The following NOA1 variants were observed in gnomAD, a reference collection of about 807,000 sequenced individuals.
The protein encoded by NOA1 is nitric oxide-associated protein 1.
Under a neutral mutation model 58.4 loss-of-function variants are expected in NOA1, and 35 were observed. The ratio of observed to expected loss-of-function variants is 0.60; its 90% CI spans 0.46 to 0.79. The LOEUF (loss-of-function observed/expected upper bound fraction) is 0.79, where lower values mean the gene tolerates loss of function less well. NOA1 is among the 30% of genes least tolerant of loss of function. NOA1 has a pLI of 0.00. For missense variants in NOA1, 895 were observed against 894.6 expected (o/e 1.00, Z -0.01); for synonymous variants, 397 against 373.4 (o/e 1.06, Z -0.73).
At position 56,976,439 on chromosome 4, in the gene NOA1, C is replaced by A; in HGVS notation, c.1144+3G>T. The A allele has an allele frequency of 6.2e-7, 1 of 1,610,466 alleles. No individual in the cohort carries two copies. Among genetic ancestry groups the A allele is most frequent in the Non-Finnish European group, 8.5e-7 (1 of 1,177,280 alleles). On this transcript the variant is annotated splice_donor_region_variant and intron_variant, in intron 1 of 6. Coordinates refer to ENST00000264230, the MANE Select transcript of NOA1 (RefSeq NM_032313.4). ...CGAAGAGGGCGAGCCTCCTAAAACTCACCTGGCCAAGGGGAGATGGTGGCT... is the reference window on the plus strand; with the variant it reads ...CGAAGAGGGCGAGCCTCCTAAAACTAACCTGGCCAAGGGGAGATGGTGGCT...
intron 3 of NOA1, among the ~76,000 whole-genome samples, chr4:56,971,073 G>A (rs1432778960): frequency 6.6e-6 from 1 of 152,144 alleles, no homozygotes; most frequent in South Asian, 2.1e-4. Flanking sequence ...AGCACTTTGG[G>A]AGGCTGAAGT....
chr4:56,976,875 C>A lies in NOA1; in HGVS notation c.711G>T (p.Leu237=), dbSNP rs780262666. ...PDALLPDLPA[L]VGPKQLIVLG... is the part of the protein sequence containing the mutation. ...GCACGATCAGCTGCTTGGGGCCCAC[C>A]AGCGCGGGCAAGTCGGGCAGCAGGG... Residue 237 remains leucine (L), a synonymous_variant, in exon 1 of 7, where the codon CTG becomes CTT. Coordinates refer to ENST00000264230, the MANE Select transcript of NOA1 (RefSeq NM_032313.4). The A allele has an allele frequency of 1.2e-6, 2 of 1,612,994 alleles. No individual in the cohort carries two copies. The highest frequency in any genetic ancestry group is 1.1e-5 in the South Asian group (1 of 91,082).
intron 4 of NOA1, 106 bp downstream of exon 4, chr4:56,968,278 C>A (rs1721753046): frequency 8.4e-7 from 1 of 1,196,626 alleles, no homozygotes; most frequent in African/African-American, 1.6e-5. Flanking sequence ...CCAATACAAT[C>A]ATGGCTTAGT....
In NOA1 at chr4:56,977,441, C is replaced by T; in HGVS notation, c.145G>A (p.Gly49Arg). The change falls in exon 1 of 7, where the codon GGA (glycine) becomes AGA (arginine). Residue 49 changes from glycine to arginine, a missense_variant. Gly to Arg is a moderately radical substitution (Grantham distance 125, BLOSUM62 -2). Transcript: ENST00000264230. ...ACGGGGTCATAAGGAAGCTCGCGTC[C>T]CAGACTCGATGAGTGCTGGAAGGAG... ...ASSFQHSSSL[G>R]RELPYDPVDT... The T allele has an allele frequency of 6.2e-7, 1 of 1,614,156 alleles. No homozygotes were observed. Among genetic ancestry groups the T allele is most frequent in the Non-Finnish European group, 8.5e-7 (1 of 1,180,024 alleles).
chr4:56,977,126 C>T lies in NOA1; in HGVS notation c.460G>A (p.Gly154Arg), dbSNP rs1303044164. ...TCTCGGGGCAGGTAGCCGGGCACTC[C>T]GGCGTCCTGGCAGTGCAGCTCTGCC... ...CGAELHCQDA[G>R]VPGYLPREKF... The change falls in exon 1 of 7, where the codon GGA becomes AGA. Residue 154 changes from glycine (G) to arginine (R), a missense_variant. By Grantham distance (125) the Gly-to-Arg change is moderately radical. Coordinates refer to ENST00000264230, the MANE Select transcript of NOA1 (RefSeq NM_032313.4). 1.9e-6 allele frequency: 3 copies of T among 1,554,964 alleles called. No homozygotes were observed. Among genetic ancestry groups the T allele is most frequent in the East Asian group, 4.8e-5 (2 of 41,912 alleles).
At chr4:56,976,395 C>T (rs564398290) in intron 1 of NOA1, 47 bp downstream of exon 1, 4 of 1,541,988 alleles carry the variant, frequency 2.6e-6, no homozygotes, top group Non-Finnish European at 3.5e-6. Context: ...CAGGACCAGA[C>T]GTCCACCTTG....
At position 56,977,399 on chromosome 4, in the gene NOA1, CA is replaced by C. The variant is rs1476062638; in HGVS notation, c.186del (p.Phe62LeufsTer78). 6.2e-7 allele frequency: 1 copy of C among 1,614,092 alleles called. No individual in the cohort carries two copies. The highest frequency in any genetic ancestry group is 1.7e-5 in the Admixed American group (1 of 60,016). Reference sequence around the variant, plus strand: ...CGCTCCTGCATGTCACCACCTTCTCCAAAGCCCTCCGTGTCCACGGGGTCAT... The same window carrying C: ...CGCTCCTGCATGTCACCACCTTCTCCAAGCCCTCCGTGTCCACGGGGTCAT... ...LPYDPVDTEG[F>X]GEGGDMQERF... On this transcript the variant is annotated frameshift_variant, in exon 1 of 7. Transcript: ENST00000264230. LOFTEE classifies it high-confidence loss of function.
chr4:56,977,324 C>A lies in NOA1; in HGVS notation c.262G>T (p.Glu88Ter), dbSNP rs368079485. 3.1e-6 allele frequency: 5 copies of A among 1,614,062 alleles called. No homozygotes were observed. Among genetic ancestry groups the A allele is most frequent in the Non-Finnish European group, 3.4e-6 (4 of 1,180,038 alleles). ...TGCTGGAGCTCCTGCAGCTGCTTTT[C>A]GCGGGTGGGTTGCGGCTCCGGATCC... ...ILDPEPQPTR[E>*]KQLQELQQQQ... is the part of the protein sequence containing the mutation. Residue 88 changes from glutamate (E) to a stop codon, truncating the protein, a stop_gained, in exon 1 of 7, where the codon GAA becomes TAA. Transcript: ENST00000264230. LOFTEE classifies it high-confidence loss of function.
chr4:56,969,494 T>G (rs921213294), intron 3 of NOA1, among the ~76,000 whole-genome samples: 4 of 151,874 alleles, frequency 2.6e-5, no homozygotes, highest in Non-Finnish European at 5.9e-5. Context: ...ATCACTTGAA[T>G]CCGGGAGGCG....
At position 56,963,650 on chromosome 4, in the gene NOA1, C is replaced by A; in HGVS notation, c.1897G>T (p.Val633Leu). 6.2e-7 allele frequency: 1 copy of A among 1,614,036 alleles called. No individual in the cohort carries two copies. Among genetic ancestry groups the A allele is most frequent in the Non-Finnish European group, 8.5e-7 (1 of 1,179,954 alleles). ...AGTCTGTCCTTAAAATTAGGTGTTA[C>A]TGAAACCCAACCTATGCAGGCATGT... ...IKFSSAGWVS[V>L]TPNFKDRLHL... The change falls in exon 7 of 7, where the codon GTA becomes TTA. Residue 633 changes from valine (V) to leucine (L), a missense_variant. Around this residue, in one of 3 missense-constraint regions of NOA1, gnomAD observed 212 missense variants for 221.3 expected, o/e 0.96. Transcript: ENST00000264230.
At chr4:56,969,564 T>A (rs767014706) in intron 3 of NOA1, among the ~76,000 whole-genome samples, 4 of 151,946 alleles carry the variant, frequency 2.6e-5, no homozygotes, top group Non-Finnish European at 4.4e-5. Flanking sequence ...AGAGCAAGAC[T>A]CCGTCTCAAA....
At chr4:56,964,635 C>T in intron 5 of NOA1, 109 bp from the exon 6 acceptor site, 1 of 1,246,354 alleles carries the variant, frequency 8.0e-7, no homozygotes, top group Non-Finnish European at 1.1e-6. Context: ...GAATAAAATC[C>T]TTTCAAATAT....
intron 3 of NOA1, among the ~76,000 whole-genome samples, chr4:56,969,612 A>T (rs1481773092): frequency 2.0e-5 from 3 of 152,094 alleles, no homozygotes; most frequent in African/African-American, 7.2e-5. Flanking sequence ...AAAAATAGAA[A>T]TGATACATAG....
chr4:56,974,645 C>T (rs1721867684), intron 1 of NOA1, among the ~76,000 whole-genome samples: 1 of 54,108 alleles, frequency 1.8e-5, no homozygotes, highest in East Asian at 6.0e-4. Context: ...GAGTGAGCCT[C>T]TGTCTCAAAA....
At chr4:56,967,400 C>T (rs143751713) in intron 4 of NOA1, among the ~76,000 whole-genome samples, 1 of 149,556 alleles carries the variant, frequency 6.7e-6, no homozygotes, top group Non-Finnish European at 1.5e-5. Flanking sequence ...AACAAAAAAA[C>T]AAAAAAACAA....
intron 4 of NOA1, 130 bp from the exon 5 acceptor site, chr4:56,966,866 T>C: frequency 1.5e-6 from 1 of 655,358 alleles, no homozygotes; most frequent in Non-Finnish European, 2.7e-6. Context: ...TAAGTACTGG[T>C]ATGGCAGTAG....
rs1315638839 is a variant in NOA1 at position 56,977,033 on chromosome 4, G to A, written c.553C>T (p.Leu185=). The A allele has an allele frequency of 3.8e-6, 6 of 1,585,506 alleles. No homozygotes were observed. Among genetic ancestry groups the A allele is most frequent in the Admixed American group, 3.4e-5 (2 of 58,548 alleles). ...CGTAGAGCGCGCCGGTGGTGCGACA[G>A]CAGCCAGCAGCGCTGGCACACGGTC... ...ARTVCQRCWL[L]SHHRRALRLQ... is the part of the protein sequence containing the mutation. The change falls in exon 1 of 7, where the codon CTG becomes TTG. Residue 185 remains leucine (L), a synonymous_variant. Coordinates refer to ENST00000264230, the MANE Select transcript of NOA1 (RefSeq NM_032313.4).
chr4:56,974,739 G>A lies in NOA1; in HGVS notation c.1145-717C>T, dbSNP rs1473879154. On this transcript the variant is annotated intron_variant, in intron 1 of 6. Transcript: ENST00000264230. ...CTTTCTTTCTTGTTTTTGAGACAGC[G>A]TCTTGCTCTGTTGCCCAGGCTGGAG... Among the ~76,000 whole-genome samples, 7 of 151,846 alleles carry A rather than the reference G, an allele frequency of 4.6e-5. No homozygotes were observed. The South Asian group carries it at 6.2e-4, about 14-fold the overall frequency.
chr4:56,976,569 C>T lies in NOA1; in HGVS notation c.1017G>A (p.Gly339=). 1 of 1,614,220 alleles carries T rather than the reference C, an allele frequency of 6.2e-7. No individual in the cohort carries two copies. Residue 339 remains glycine, a synonymous_variant, in exon 1 of 7, where the codon GGG becomes GGA. Coordinates refer to ENST00000264230, the MANE Select transcript of NOA1 (RefSeq NM_032313.4). ...TGGTGGCGCCCACTAAGTAGACGTC[C>T]CCACGGTAGCGCCAGGAGCGCTGAA... ...SALQRSWRYR[G]DVYLVGATNA... is the part of the protein sequence containing the mutation.
Sources: allele counts gnomAD v4.1 joint callset (sites outside exome capture counted in the v4.1 genomes callset), GRCh38; gene constraint gnomAD v4.1.1; regional missense constraint gnomAD v4.1.1; transcripts MANE v1.5; gene names NCBI Gene and HGNC (gene_info 2026-07-23, HGNC 2026-07-21).